The following RNF213 variants were observed in gnomAD, a reference collection of about 807,000 sequenced individuals.
RNF213 encodes the protein E3 ubiquitin-protein ligase RNF213.
In RNF213, 341 loss-of-function variants were observed where a neutral mutation model predicts 514.4. That is an observed-to-expected ratio of 0.66 (90% CI 0.61 to 0.73). The LOEUF is 0.73. Among genes scored for constraint, RNF213 ranks in the 30% least tolerant of loss-of-function variants. The pLI is 0.00. For synonymous variants in RNF213, 2,655 were observed against 2,658.2 expected (o/e 1.00, Z 0.04); for missense variants, 5,767 against 6,615.6 (o/e 0.87, Z 4.45).
chr17:80,372,897 C>T, intron 48 of RNF213, 78 bp from the exon 49 acceptor site: 1 of 1,475,128 alleles, frequency 6.8e-7, no homozygotes, highest in Non-Finnish European at 9.3e-7. Flanking sequence ...AGGTCCGATG[C>T]CCTCTGGTTG....
chr17:80,384,871 TGTGGGAAGAACTTTTCCCGTTTTC>T, intron 59 of RNF213, 144 bp from the exon 60 acceptor site: 1 of 742,412 alleles, frequency 1.3e-6, no homozygotes, highest in South Asian at 1.6e-5. Context: ...TCTGTAGACT[TGTGGGAAGAACTTTTCCCGTTTTC>T]AAGCTCCACG....
Position 80,395,444 on chromosome 17 carries a change from CAG to C in RNF213, c.*1948_*1949del, listed in dbSNP as rs1363097042. The C allele has an allele frequency of 1.3e-5, 2 of 152,358 alleles. No homozygotes were observed. Among genetic ancestry groups the C allele is most frequent in the East Asian group, 3.9e-4 (2 of 5,172 alleles). The allele number at this position is 152,358 out of a possible 1,614,324, so 9.4% of individuals were successfully genotyped here. A position where few individuals can be genotyped will look rare whatever the true frequency, so the allele number is the denominator to read the frequency against. On this transcript the variant is annotated 3_prime_UTR_variant, in exon 68 of 68. Transcript: ENST00000582970. ...AAGTAGTGTGTTCAGACTGTGCACA[CAG>C]AAAACAGGCTCTGCCTTCACATGTG...
At chr17:80,318,719 G>A (rs1355066597) in intron 16 of RNF213, among the ~76,000 whole-genome samples, 8 of 152,026 alleles carry the variant, frequency 5.3e-5, no homozygotes, top group South Asian at 2.1e-4. Flanking sequence ...GACTACAGGC[G>A]CCCGCCACCG....
At chr17:80,265,161 C>T (rs9891729) in intron 2 of RNF213, among the ~76,000 whole-genome samples, 2,037 of 151,998 alleles carry the variant, frequency 0.013, 50 homozygotes, top group African/African-American at 0.043. Context: ...ATTCTTCTGC[C>T]TCAGCCTCCC....
At chr17:80,276,608 AAG>A (rs756265571) in intron 3 of RNF213, among the ~76,000 whole-genome samples, 8 of 146,328 alleles carry the variant, frequency 5.5e-5, no homozygotes, top group Admixed American at 1.4e-4. Context: ...TCCTTCCTCA[AAG>A]AGAGAGAGAG....
chr17:80,389,946 A>T, intron 66 of RNF213, 29 bp downstream of exon 66: 1 of 1,611,518 alleles, frequency 6.2e-7, no homozygotes, highest in Non-Finnish European at 8.5e-7. Context: ...TCTCTGCTGG[A>T]CAGAGGGACT....
In RNF213 at chr17:80,290,651, TAA is replaced by T; in HGVS notation, c.1196_1197del (p.Lys399SerfsTer20). The T allele has an allele frequency of 6.2e-7, 1 of 1,614,136 alleles. No individual in the cohort carries two copies. Among genetic ancestry groups the T allele is most frequent in the Non-Finnish European group, 8.5e-7 (1 of 1,180,014 alleles). ...ATTTCCCATTCAATCCTGACCTCCA[TAA>T]AGTCTTCATCAGAGGAGGAGAAGAA... ...LHFPFNPDLH[K>X]VFIRGGEEFG... On this transcript the variant is annotated frameshift_variant, in exon 7 of 68. Transcript: ENST00000582970. LOFTEE classifies it high-confidence loss of function.
At chr17:80,287,586 G>A (rs1197437423) in intron 3 of RNF213, among the ~76,000 whole-genome samples, 6 of 152,232 alleles carry the variant, frequency 3.9e-5, no homozygotes, top group Admixed American at 2.6e-4. Context: ...GGCCGTGACC[G>A]TGCCGAGTGT....
intron 57 of RNF213, chr17:80,382,043 C>G (rs1445189523): frequency 7.9e-6 from 3 of 379,528 alleles, no homozygotes; most frequent in Non-Finnish European, 1.0e-5. Context: ...TATGGGGAGT[C>G]TTCAGTTCCG....
rs867367525 is a variant in RNF213 at position 80,314,319 on chromosome 17, A to C, written c.2811+1152A>C. The stretch of plus-strand genomic sequence containing the variant: ...GGTGGTGGACGTGATGGTGGAGGTA[A>C]TGGAGGTGATGGTGGTGGTGGTGGT... On this transcript the variant is annotated intron_variant, in intron 15 of 67. Transcript: ENST00000582970. 8.4e-3 allele frequency among the ~76,000 whole-genome samples: 196 copies of C among 23,344 alleles called. 2 individuals carry two copies. Among genetic ancestry groups the C allele is most frequent in the East Asian group, 0.032 (17 of 536 alleles). The allele number at this position is 23,344 out of a possible 152,430, so 15.3% of individuals were successfully genotyped here.
In RNF213 at chr17:80,273,317, A is replaced by C. The variant is rs899879130; in HGVS notation, c.174A>C (p.Glu58Asp). ...EMECGQELKE[E>D]GGPCLFPGSD... ...AGTGTGGGCAGGAGCTGAAGGAGGA[A>C]GGGGGCCCGTGCTTGTTCCCGGGCT... Residue 58 changes from glutamate to aspartate, a missense_variant, in exon 3 of 68, where the codon GAA (glutamate) becomes GAC (aspartate). This residue lies in a region of RNF213 where 509 missense variants were observed against 496.7 expected (regional missense o/e 1.02). Transcript: ENST00000582970. 2 of 1,613,444 alleles carry C rather than the reference A, an allele frequency of 1.2e-6. No homozygotes were observed. Among genetic ancestry groups the C allele is most frequent in the Admixed American group, 1.7e-5 (1 of 59,998 alleles).
intron 2 of RNF213, among the ~76,000 whole-genome samples, chr17:80,271,060 C>T (rs1462115312): frequency 1.1e-4 from 16 of 151,988 alleles, no homozygotes; most frequent in Non-Finnish European, 2.9e-5. Context: ...GGGTAAATAT[C>T]GGCCCTGATT....
At chr17:80,361,689 T>C (rs1446657628) in intron 38 of RNF213, 45 bp from the exon 39 acceptor site, 34 of 1,607,632 alleles carry the variant, frequency 2.1e-5, no homozygotes, top group African/African-American at 2.7e-5. Context: ...GGGAGCGCCA[T>C]GACTTAGACG....
chr17:80,381,028 C>A (rs369477713), intron 56 of RNF213, 41 bp downstream of exon 56: 3 of 1,607,108 alleles, frequency 1.9e-6, no homozygotes, highest in Admixed American at 1.7e-5. Flanking sequence ...CAGTTAAGAA[C>A]CTGCTTTCGC....
At chr17:80,280,292 G>A (rs1045802319) in intron 3 of RNF213, among the ~76,000 whole-genome samples, 2 of 152,194 alleles carry the variant, frequency 1.3e-5, no homozygotes, top group Non-Finnish European at 2.9e-5. Context: ...GAAGGCTCGG[G>A]CTCAGCAGAC....
Position 80,336,232 on chromosome 17 carries a change from CG to C in RNF213, c.4384del (p.Val1462TrpfsTer28). 2 of 1,537,188 alleles carry C rather than the reference CG, an allele frequency of 1.3e-6. No individual in the cohort carries two copies. The highest frequency in any genetic ancestry group is 1.7e-6 in the Non-Finnish European group (2 of 1,146,910). Reference sequence around the variant, plus strand: ...GGGGGAGAATGACATTGATGTGGACCGGGTGGCCTGCTTCCATGACGCTGTG... The same window carrying C: ...GGGGGAGAATGACATTGATGTGGACCGGTGGCCTGCTTCCATGACGCTGTG... ...SAGENDIDVDRVACFHDAVQG... is the reference protein window; with the variant it reads ...SAGENDIDVDXVACFHDAVQG... On this transcript the variant is annotated frameshift_variant, in exon 23 of 68. Transcript: ENST00000582970. LOFTEE classifies it high-confidence loss of function.
At chr17:80,293,211 C>T (rs2044803541) in intron 8 of RNF213, among the ~76,000 whole-genome samples, 1 of 151,932 alleles carries the variant, frequency 6.6e-6, no homozygotes, top group African/African-American at 2.4e-5. Context: ...GCGTGTGTCA[C>T]CATGTCTGGC....
intron 11 of RNF213, among the ~76,000 whole-genome samples, chr17:80,301,222 A>G (rs570696017): frequency 1.3e-5 from 2 of 152,168 alleles, no homozygotes; most frequent in Admixed American, 6.5e-5. Context: ...GCCCATTCCT[A>G]TGTCTAGAAT....
Position 80,343,873 on chromosome 17 carries a change from G to T in RNF213, c.6200G>T (p.Trp2067Leu), listed in dbSNP as rs2078231955. 1 of 1,614,166 alleles carries T rather than the reference G, an allele frequency of 6.2e-7. No individual in the cohort carries two copies. The highest frequency in any genetic ancestry group is 8.5e-7 in the Non-Finnish European group (1 of 1,180,036). ...DVTSSVQTGI[W>L]VFLFKLLILQ... ...TGTTCTTAGGTGCAGACTGGAATTT[G>T]GGTGTTTCTTTTCAAGCTCCTCATT... Residue 2067 changes from tryptophan to leucine, a missense_variant, in exon 28 of 68, where the codon TGG (tryptophan) becomes TTG (leucine). By Grantham distance (61) the Trp-to-Leu change is moderately conservative. Transcript: ENST00000582970. The surrounding 1 kb of genome is among the most constrained non-coding windows in gnomAD (Gnocchi z 4.3).
Sources: allele counts gnomAD v4.1 joint callset (sites outside exome capture counted in the v4.1 genomes callset), GRCh38; gene constraint gnomAD v4.1.1; regional missense constraint gnomAD v4.1.1; non-coding constraint Gnocchi (gnomAD v3.1); transcripts MANE v1.5; gene names NCBI Gene and HGNC (gene_info 2026-07-23, HGNC 2026-07-21).